Variants in PDE4B observed in about 807,000 individuals in gnomAD.
PDE4B encodes the protein phosphodiesterase 4B.
A neutral mutation model predicts 82.2 loss-of-function variants in PDE4B; 20 were observed. That is an observed-to-expected ratio of 0.24 (90% CI 0.17 to 0.35). The LOEUF is 0.35. Among genes scored for constraint, PDE4B ranks in the 10% least tolerant of loss-of-function variants. The pLI, the probability that PDE4B is intolerant of heterozygous loss-of-function variation, is 1.00. For synonymous variants in PDE4B, 320 were observed against 318.9 expected (o/e 1.00, Z -0.04); for missense variants, 655 against 907.2 (o/e 0.72, Z 3.57).
intron 3 of PDE4B, among the ~76,000 whole-genome samples, chr1:66,151,693 A>G (rs911686291): frequency 6.6e-6 from 1 of 152,162 alleles, no homozygotes; most frequent in Non-Finnish European, 1.5e-5. Flanking sequence ...AATGTCTAAC[A>G]ATCTGGGTAC....
At chr1:66,277,453 T>C (rs1476328440) in intron 7 of PDE4B, among the ~76,000 whole-genome samples, 1 of 152,208 alleles carries the variant, frequency 6.6e-6, no homozygotes, top group Non-Finnish European at 1.5e-5. Flanking sequence ...TGGAGTGCAG[T>C]GGCACGATCT....
intron 3 of PDE4B, among the ~76,000 whole-genome samples, chr1:66,106,487 T>C (rs1187052276): frequency 5.3e-5 from 8 of 151,878 alleles, no homozygotes; most frequent in African/African-American, 1.9e-4. Context: ...CTTTTTCTAC[T>C]GATTTGAATA....
intron 1 of PDE4B, among the ~76,000 whole-genome samples, chr1:65,838,932 C>T (rs533069910): frequency 6.6e-6 from 1 of 152,108 alleles, no homozygotes; most frequent in South Asian, 2.1e-4. Context: ...CCAAAAATAC[C>T]TTGAAGCTAG....
At chr1:65,972,682 T>C (rs17128166) in intron 3 of PDE4B, among the ~76,000 whole-genome samples, 5,919 of 152,230 alleles carry the variant, frequency 0.039, 486 homozygotes, top group East Asian at 0.37. Flanking sequence ...AAATGAGGAA[T>C]TAAATTCTAT....
chr1:66,291,572 A>G (rs906794164), intron 7 of PDE4B, among the ~76,000 whole-genome samples: 1 of 152,154 alleles, frequency 6.6e-6, no homozygotes, highest in Non-Finnish European at 1.5e-5. Context: ...AATAGATTTT[A>G]TTATTTCCCT....
At chr1:66,001,061 A>G (rs1651839509) in intron 3 of PDE4B, among the ~76,000 whole-genome samples, 1 of 152,182 alleles carries the variant, frequency 6.6e-6, no homozygotes, top group African/African-American at 2.4e-5. Context: ...GTAGAGGGAG[A>G]AAAGAAATCT....
intron 3 of PDE4B, among the ~76,000 whole-genome samples, chr1:66,229,408 A>C (rs1260131236): frequency 1.3e-5 from 2 of 152,182 alleles, no homozygotes; most frequent in Admixed American, 1.3e-4. Flanking sequence ...TGAGCCTTTA[A>C]GGCAGCCACT....
At chr1:66,234,187 A>G (rs1464406005) in intron 3 of PDE4B, among the ~76,000 whole-genome samples, 1 of 152,256 alleles carries the variant, frequency 6.6e-6, no homozygotes, top group East Asian at 1.9e-4. Flanking sequence ...TAATAGATAC[A>G]GACCTATTCA....
chr1:65,964,467 A>G (rs1413141783), intron 3 of PDE4B, among the ~76,000 whole-genome samples: 1 of 152,190 alleles, frequency 6.6e-6, no homozygotes, highest in African/African-American at 2.4e-5. Flanking sequence ...ATGGCAAGAG[A>G]AATTAACTTT....
intron 6 of PDE4B, among the ~76,000 whole-genome samples, chr1:66,259,186 T>A (rs770072044): frequency 6.6e-6 from 1 of 152,226 alleles, no homozygotes; most frequent in Non-Finnish European, 1.5e-5. Context: ...CCAACTAGTA[T>A]TTATTTAGTA....
intron 4 of PDE4B, among the ~76,000 whole-genome samples, chr1:66,248,301 C>A (rs1233228317): frequency 6.6e-6 from 1 of 152,180 alleles, no homozygotes; most frequent in Non-Finnish European, 1.5e-5. Flanking sequence ...TATTAAATTT[C>A]CAAAACCAAA....
At chr1:65,902,301 A>G (rs1293763852) in intron 1 of PDE4B, among the ~76,000 whole-genome samples, 2 of 152,128 alleles carry the variant, frequency 1.3e-5, no homozygotes, top group Non-Finnish European at 2.9e-5. Flanking sequence ...GCAACAAATA[A>G]TTGTTTTGCC....
intron 3 of PDE4B, among the ~76,000 whole-genome samples, chr1:66,089,061 T>G (rs1051126920): frequency 6.6e-6 from 1 of 152,070 alleles, no homozygotes; most frequent in African/African-American, 2.4e-5. Context: ...TATGAAAGCA[T>G]AAGCTAGCCA....
intron 3 of PDE4B, among the ~76,000 whole-genome samples, chr1:66,146,028 A>T (rs767085187): frequency 2.6e-5 from 4 of 152,158 alleles, no homozygotes; most frequent in Non-Finnish European, 4.4e-5. Context: ...TGACAGGTTA[A>T]CTAGTCCACC....
At chr1:66,354,933 T>C (rs1662119357) in intron 8 of PDE4B, 1 of 1,515,716 alleles carries the variant, frequency 6.6e-7, no homozygotes, top group Admixed American at 2.0e-5. Flanking sequence ...TTTGATAAAA[T>C]GTGAAACGTA....
intron 7 of PDE4B, among the ~76,000 whole-genome samples, chr1:66,304,325 A>G (rs191211074): frequency 2.0e-5 from 3 of 152,240 alleles, no homozygotes; most frequent in Admixed American, 1.3e-4. Context: ...TTTATTTACA[A>G]AACTAAGAAG....
intron 3 of PDE4B, among the ~76,000 whole-genome samples, chr1:66,096,063 A>T (rs1459267074): frequency 1.3e-5 from 2 of 151,712 alleles, no homozygotes; most frequent in African/African-American, 4.8e-5. Context: ...TTGAAACTGT[A>T]TATTATTGTT....
intron 3 of PDE4B, among the ~76,000 whole-genome samples, chr1:65,921,717 G>C (rs1647255797): frequency 6.6e-6 from 1 of 152,232 alleles, no homozygotes; most frequent in Non-Finnish European, 1.5e-5. Flanking sequence ...CAAGCAGCAG[G>C]CTGGATTTGG....
intron 3 of PDE4B, among the ~76,000 whole-genome samples, chr1:65,964,846 T>G: frequency 6.6e-6 from 1 of 152,176 alleles, no homozygotes; most frequent in East Asian, 1.9e-4. Flanking sequence ...TGCATGTGTG[T>G]GTGTGTATTA....
Sources: allele counts gnomAD v4.1 joint callset (sites outside exome capture counted in the v4.1 genomes callset), GRCh38; gene constraint gnomAD v4.1.1; transcripts MANE v1.5; gene names NCBI Gene and HGNC (gene_info 2026-07-23, HGNC 2026-07-21).